AKT3: variants seen among roughly 807,000 people sequenced by gnomAD.
AKT3 encodes the protein AKT serine/threonine kinase 3.
A neutral mutation model predicts 65.3 loss-of-function variants in AKT3; 15 were observed. The observed-to-expected ratio is 0.23, with a 90% confidence interval of 0.15 to 0.35. AKT3 has a LOEUF of 0.35. Among genes scored for constraint, AKT3 ranks in the 10% least tolerant of loss-of-function variants. AKT3 has a pLI of 1.00. For synonymous variants in AKT3, 206 were observed against 183.8 expected (o/e 1.12, Z -0.98); for missense variants, 243 against 576.5 (o/e 0.42, Z 5.92).
chr1:243,529,971 T>C (rs1342573755), intron 12 of AKT3, among the ~76,000 whole-genome samples: 2 of 152,230 alleles, frequency 1.3e-5, no homozygotes, highest in East Asian at 3.8e-4. Context: ...ATCTCTGATT[T>C]CTCTGACCAG....
chr1:243,753,549 G>T (rs1385031911), intron 2 of AKT3, among the ~76,000 whole-genome samples: 1 of 152,102 alleles, frequency 6.6e-6, no homozygotes, highest in Non-Finnish European at 1.5e-5. Context: ...AAAACTTCTA[G>T]AATTTGGTTT....
rs1344471075 is a variant in AKT3 at position 243,490,695 on chromosome 1, C to T, written c.*7-2245G>A. ...GGCCCTTGGGCACACAGGCTGAGGACGTGTGAGGGTGTTTCCTTTCTCCCT... is the reference window on the plus strand; with the variant it reads ...GGCCCTTGGGCACACAGGCTGAGGATGTGTGAGGGTGTTTCCTTTCTCCCT... On this transcript the variant is annotated intron_variant, in intron 13 of 13. Transcript: ENST00000336199. Among the ~76,000 whole-genome samples, 10 of 152,336 alleles carry T rather than the reference C, an allele frequency of 6.6e-5. No homozygotes were observed. The East Asian group carries it at 1.5e-3, about 24-fold the overall frequency.
At chr1:243,563,657 A>C in intron 10 of AKT3, 63 bp downstream of exon 10, 1 of 1,526,282 alleles carries the variant, frequency 6.6e-7, no homozygotes, top group Non-Finnish European at 8.8e-7. Flanking sequence ...TTAATGCTTA[A>C]ATGGTTTACT....
chr1:243,719,260 C>T (rs1686723425), intron 2 of AKT3, among the ~76,000 whole-genome samples: 1 of 152,194 alleles, frequency 6.6e-6, no homozygotes, highest in South Asian at 2.1e-4. Flanking sequence ...TAATGCCCCC[C>T]TACTCCTACA....
In AKT3 at chr1:243,637,769, A is replaced by T. The variant is rs749474466; in HGVS notation, c.430-27T>A. On this transcript the variant is annotated intron_variant, in intron 5 of 13. Transcript: ENST00000673466. ...TGAAAAATACAAATTAAAAAATATA[A>T]TATGAAGTATTTGATGCAATTTATT... The T allele has an allele frequency of 6.9e-6, 10 of 1,444,958 alleles. No individual in the cohort carries two copies. In the East Asian group the frequency reaches 2.4e-4, roughly 35 times the overall value. 89.5% of individuals were successfully genotyped at this position (1,444,958 alleles called of 1,614,324 possible).
chr1:243,692,740 A>G (rs1037823186), intron 3 of AKT3, among the ~76,000 whole-genome samples: 1 of 152,132 alleles, frequency 6.6e-6, no homozygotes, highest in Non-Finnish European at 1.5e-5. Flanking sequence ...TGTCTAAAAA[A>G]AAAAAAATTT....
chr1:243,556,746 GTATCATT>G (rs1673432214), intron 10 of AKT3, among the ~76,000 whole-genome samples: 1 of 152,192 alleles, frequency 6.6e-6, no homozygotes, highest in East Asian at 1.9e-4. Context: ...ACATACATCT[GTATCATT>G]TATCATTTAT....
intron 2 of AKT3, among the ~76,000 whole-genome samples, chr1:243,807,248 G>C (rs184523599): frequency 7.2e-5 from 11 of 152,182 alleles, no homozygotes; most frequent in Non-Finnish European, 1.6e-4. Flanking sequence ...CACCTCACCC[G>C]GGAAGCACAA....
intron 13 of AKT3, among the ~76,000 whole-genome samples, chr1:243,493,258 G>C (rs1307351404): frequency 3.3e-5 from 5 of 151,796 alleles, no homozygotes; most frequent in Non-Finnish European, 7.4e-5. Context: ...GGTGAGGGTG[G>C]TGGGTCTCAG....
intron 6 of AKT3, among the ~76,000 whole-genome samples, chr1:243,631,979 C>G (rs1558667959): frequency 6.6e-6 from 1 of 152,186 alleles, no homozygotes; most frequent in Non-Finnish European, 1.5e-5. Context: ...ATTTCCTCCA[C>G]TGGAGTCTTG....
rs1035092613 is a variant in AKT3 at position 243,530,021 on chromosome 1, G to A, written c.1251+15489C>T. Among the ~76,000 whole-genome samples, 6 of 152,156 alleles carry A rather than the reference G, an allele frequency of 3.9e-5. No homozygotes were observed. The East Asian group carries it at 9.6e-4, about 24-fold the overall frequency. ...CATTGTAAAGATCTTTCACTTCCCT[G>A]GTTAGCTGTATTCCTAGGTATTTTA... is the stretch of plus-strand genomic sequence containing the variant. On this transcript the variant is annotated intron_variant, in intron 12 of 13. Coordinates refer to ENST00000673466, the MANE Select transcript of AKT3 (RefSeq NM_005465.7).
At chr1:243,730,201 C>T (rs1687461547) in intron 2 of AKT3, among the ~76,000 whole-genome samples, 7 of 152,202 alleles carry the variant, frequency 4.6e-5, no homozygotes, top group Admixed American at 4.6e-4. Flanking sequence ...GACCAATCAG[C>T]ACACACTTCC....
chr1:243,681,089 G>T (rs1282043522), intron 3 of AKT3, among the ~76,000 whole-genome samples: 1 of 152,094 alleles, frequency 6.6e-6, no homozygotes, highest in African/African-American at 2.4e-5. Flanking sequence ...GAAAGCTGCA[G>T]GTTTATCTCC....
chr1:243,611,940 C>T (rs991720998), intron 8 of AKT3, among the ~76,000 whole-genome samples: 8 of 152,114 alleles, frequency 5.3e-5, no homozygotes, highest in African/African-American at 1.9e-4. Flanking sequence ...TCTTTTATGA[C>T]TTTATTAGAA....
At chr1:243,511,971 T>G (rs933821343) in intron 13 of AKT3, among the ~76,000 whole-genome samples, 2 of 152,256 alleles carry the variant, frequency 1.3e-5, no homozygotes, top group Non-Finnish European at 2.9e-5. Flanking sequence ...TATGTGGGAA[T>G]GAACGAAGTC....
intron 2 of AKT3, among the ~76,000 whole-genome samples, chr1:243,833,200 C>CA (rs1337862955): frequency 6.6e-6 from 1 of 152,016 alleles, no homozygotes; most frequent in African/African-American, 2.4e-5. Context: ...GGCAGTGAGC[C>CA]AAGATCACAC....
intron 2 of AKT3, 142 bp downstream of exon 2, chr1:243,842,983 A>C: frequency 1.2e-6 from 1 of 851,478 alleles, no homozygotes; most frequent in Non-Finnish European, 1.7e-6. Context: ...AATTCCTAAC[A>C]CACGTTAAAT....
In AKT3 at chr1:243,786,817, G is replaced by A. The variant is rs189977696; in HGVS notation, c.46+56308C>T. Among the ~76,000 whole-genome samples, 3 of 152,178 alleles carry A rather than the reference G, an allele frequency of 2.0e-5. No homozygotes were observed. The East Asian group carries it at 5.8e-4, about 29-fold the overall frequency. The stretch of plus-strand genomic sequence containing the variant: ...TTGTTCTGCCCTTCCATCCATGTTT[G>A]GGGAGAAGGGTCAAGAGAGAAGCAC... On this transcript the variant is annotated intron_variant, in intron 2 of 13. Coordinates refer to ENST00000673466, the MANE Select transcript of AKT3 (RefSeq NM_005465.7).
chr1:243,840,235 A>G (rs1470647692), intron 2 of AKT3, among the ~76,000 whole-genome samples: 1 of 152,212 alleles, frequency 6.6e-6, no homozygotes, highest in African/African-American at 2.4e-5. Flanking sequence ...AGTCCAAACT[A>G]GAAACCAAAT....
Sources: gnomAD v4.1 joint callset for allele counts (sites outside exome capture counted in the v4.1 genomes callset) on GRCh38, gnomAD v4.1.1 for gene constraint, MANE v1.5 for transcripts, NCBI Gene and HGNC (gene_info 2026-07-23, HGNC 2026-07-21) for gene names.